Variants in ZNF536 observed in about 807,000 individuals in gnomAD.
ZNF536 encodes the protein zinc finger protein 536.
ZNF536 carries 13 observed loss-of-function variants against 84.5 expected under a neutral mutation model. That is an observed-to-expected ratio of 0.15 (90% confidence interval 0.10 to 0.24). The LOEUF (loss-of-function observed/expected upper bound fraction) is 0.24. Among genes scored for constraint, ZNF536 ranks in the 10% least tolerant of loss-of-function variants. ZNF536 has a pLI of 1.00. For synonymous variants in ZNF536, 811 were observed against 742.5 expected, an observed-to-expected ratio of 1.09 and a Z score of -1.50; for missense variants, 1,536 against 1,747.5, an observed-to-expected ratio of 0.88 and a Z score of 2.16.
chr19:30,592,975 A>G (rs2047326368), intron 1 of ZNF536, among the ~76,000 whole-genome samples: 1 of 152,244 alleles, frequency 6.6e-6, no homozygotes, highest in Non-Finnish European at 1.5e-5. Context: ...AGAAGCCATC[A>G]TCAAGTCCAG....
intron 1 of ZNF536, among the ~76,000 whole-genome samples, chr19:30,434,906 G>A (rs1361598725): frequency 7.5e-5 from 5 of 66,680 alleles, no homozygotes; most frequent in African/African-American, 2.0e-4. Context: ...TGATGATGGT[G>A]ATGATGCTGA....
At chr19:30,586,153 G>A (rs896520751) in intron 1 of ZNF536, among the ~76,000 whole-genome samples, 3 of 152,150 alleles carry the variant, frequency 2.0e-5, no homozygotes, top group African/African-American at 4.8e-5. Flanking sequence ...TTTATCATCC[G>A]TAACATCTAG....
intron 1 of ZNF536, among the ~76,000 whole-genome samples, chr19:30,271,216 GT>G (rs2025814913): frequency 6.6e-6 from 1 of 151,538 alleles, no homozygotes; most frequent in African/African-American, 2.4e-5. Flanking sequence ...TGGTCTTTCT[GT>G]GCCCTGTGTT....
intron 1 of ZNF536, among the ~76,000 whole-genome samples, chr19:30,434,292 C>T (rs2051609879): frequency 6.6e-6 from 1 of 152,194 alleles, no homozygotes; most frequent in South Asian, 2.1e-4. Flanking sequence ...CAGTGAGTAA[C>T]AGACCTGCTA....
At chr19:30,599,371 C>T (rs1179773302) in intron 1 of ZNF536, among the ~76,000 whole-genome samples, 1 of 140,362 alleles carries the variant, frequency 7.1e-6, no homozygotes, top group African/African-American at 2.7e-5. Context: ...TCCCTTCCTC[C>T]TCCCATCTTT....
chr19:30,600,074 T>C (rs1404193937), intron 1 of ZNF536, among the ~76,000 whole-genome samples: 1 of 149,730 alleles, frequency 6.7e-6, no homozygotes, highest in Non-Finnish European at 1.5e-5. Context: ...TGTTGTTTTT[T>C]GTTTTTGTTT....
intron 2 of ZNF536, among the ~76,000 whole-genome samples, chr19:30,312,008 C>T (rs1479130771): frequency 6.6e-6 from 1 of 152,160 alleles, no homozygotes; most frequent in Admixed American, 6.5e-5. Context: ...TTGGAGGCTG[C>T]AGTGAGCTCT....
rs149223384 is a variant in ZNF536 at position 30,432,006 on chromosome 19, T to TATATATATATATATATATATACAC, written c.-2-11554_-2-11553insTATATATATATATATATATACACA. On this transcript the variant is annotated intron_variant, in intron 1 of 4. Transcript: ENST00000355537. ...TTCATTAAAAGCATATATATATATA[T>TATATATATATATATATATATACAC]ACACACACACATACACACACACACA... Among the ~76,000 whole-genome samples, 150 of 145,992 alleles carry TATATATATATATATATATATACAC rather than the reference T, an allele frequency of 1.0e-3. 1 individual carries two copies. The highest frequency in any genetic ancestry group is 3.5e-3 in the African/African-American group (138 of 38,994).
At chr19:30,696,538 C>T (rs1277779944) in intron 1 of ZNF536, among the ~76,000 whole-genome samples, 3 of 152,234 alleles carry the variant, frequency 2.0e-5, no homozygotes, top group Admixed American at 2.0e-4. Flanking sequence ...TCAATAGTTG[C>T]TGTTGAGTGC....
intron 1 of ZNF536, among the ~76,000 whole-genome samples, chr19:30,279,326 A>G (rs1289333450): frequency 6.6e-6 from 1 of 152,198 alleles, no homozygotes; most frequent in Non-Finnish European, 1.5e-5. Flanking sequence ...CAGAAATAGA[A>G]TAGAGCCTGA....
intron 1 of ZNF536, among the ~76,000 whole-genome samples, chr19:30,647,937 A>T (rs909723607): frequency 1.3e-5 from 2 of 152,120 alleles, no homozygotes; most frequent in African/African-American, 2.4e-5. Context: ...GAAGTTTCCC[A>T]CGTGTCGCTT....
At chr19:30,415,448 G>C (rs554617091) in intron 1 of ZNF536, among the ~76,000 whole-genome samples, 9 of 147,762 alleles carry the variant, frequency 6.1e-5, no homozygotes, top group African/African-American at 2.3e-4. Flanking sequence ...CTTTCTGGAG[G>C]TTGGAGGTCT....
At chr19:30,260,185 T>A (rs752803802) in intron 1 of ZNF536, among the ~76,000 whole-genome samples, 10 of 152,186 alleles carry the variant, frequency 6.6e-5, no homozygotes, top group Non-Finnish European at 1.5e-4. Context: ...TAAAATGTGT[T>A]TATTTTAGAC....
At chr19:30,306,173 T>G (rs2046337638) in intron 2 of ZNF536, among the ~76,000 whole-genome samples, 1 of 151,300 alleles carries the variant, frequency 6.6e-6, no homozygotes. Flanking sequence ...GGCCAGTGTG[T>G]GCATTCCCTG....
intron 2 of ZNF536, among the ~76,000 whole-genome samples, chr19:30,470,326 A>C (rs771707227): frequency 6.6e-6 from 1 of 152,174 alleles, no homozygotes; most frequent in Non-Finnish European, 1.5e-5. Context: ...CCTGTTGTTA[A>C]TATCACTGTG....
At chr19:30,341,924 TAA>T (rs1381740168) in intron 2 of ZNF536, among the ~76,000 whole-genome samples, 1 of 152,186 alleles carries the variant, frequency 6.6e-6, no homozygotes, top group African/African-American at 2.4e-5. Context: ...CTCATAAAAA[TAA>T]ACCTCACTTT....
intron 1 of ZNF536, chr19:30,668,756 G>C (rs1479369080): frequency 6.6e-6 from 1 of 152,338 alleles, no homozygotes; most frequent in Non-Finnish European, 1.5e-5. Flanking sequence ...CCCAGTTCTT[G>C]GCTGGTGGAA....
intron 2 of ZNF536, among the ~76,000 whole-genome samples, chr19:30,485,000 C>T (rs916047408): frequency 6.6e-6 from 1 of 151,668 alleles, no homozygotes; most frequent in Non-Finnish European, 1.5e-5. Flanking sequence ...AAAAATTAGT[C>T]GGGCGTGGTG....
chr19:30,642,208 A>G (rs2049291983), intron 1 of ZNF536, among the ~76,000 whole-genome samples: 1 of 152,204 alleles, frequency 6.6e-6, no homozygotes, highest in Non-Finnish European at 1.5e-5. Flanking sequence ...TTGCATTGCA[A>G]ATCGCCCTTT....
Sources: allele counts gnomAD v4.1 joint callset (sites outside exome capture counted in the v4.1 genomes callset), GRCh38; gene constraint gnomAD v4.1.1; transcripts MANE v1.5; gene names NCBI Gene and HGNC (gene_info 2026-07-23, HGNC 2026-07-21).